Variants in ETS1 observed in about 807,000 individuals in gnomAD.
The protein encoded by ETS1 is ETS proto-oncogene 1, transcription factor, also known as protein C-ets-1.
ETS1 carries 15 observed loss-of-function variants against 58.6 expected under a neutral mutation model. The observed-to-expected ratio is 0.26, with a 90% CI of 0.17 to 0.39. The LOEUF (loss-of-function observed/expected upper bound fraction) is 0.39. Ranked by LOEUF, ETS1 falls within the 10% of genes least tolerant of loss-of-function variation. The pLI, the probability that ETS1 is intolerant of heterozygous loss-of-function variation, is 1.00. For synonymous variants in ETS1, 214 were observed against 218.2 expected (o/e 0.98, Z 0.17); for missense variants, 417 against 610.5 (o/e 0.68, Z 3.34).
intron 8 of ETS1, among the ~76,000 whole-genome samples, chr11:128,479,230 T>C (rs1053432009): frequency 2.6e-5 from 4 of 152,168 alleles, no homozygotes; most frequent in African/African-American, 9.7e-5. Context: ...GATCTTGCTG[T>C]TTGTCATCAT....
chr11:128,513,376 A>G (rs1246289586), intron 3 of ETS1, among the ~76,000 whole-genome samples: 1 of 152,238 alleles, frequency 6.6e-6, no homozygotes, highest in Non-Finnish European at 1.5e-5. Flanking sequence ...GAGGTGCATA[A>G]AAATGCAATG....
rs532295640 is a variant in ETS1, at chr11:128,518,933, C to G, written c.215-28357G>C. Among the ~76,000 whole-genome samples, 568 of 152,274 alleles carry G rather than the reference C, an allele frequency of 3.7e-3. 3 individuals are homozygous for G. The highest frequency in any genetic ancestry group is 4.8e-3 in the Admixed American group (73 of 15,304). On this transcript the variant is annotated intron_variant, in intron 3 of 9. Coordinates refer to ENST00000392668, the MANE Select transcript of ETS1 (RefSeq NM_001143820.2). ...GCTCTTATCTGGACATTAAGCTCACCTCACCAAGAAGGTAGAGCAGAGTGT... is the reference window on the plus strand; with the variant it reads ...GCTCTTATCTGGACATTAAGCTCACGTCACCAAGAAGGTAGAGCAGAGTGT...
chr11:128,584,990 G>A (rs1252925608), intron 1 of ETS1, among the ~76,000 whole-genome samples: 1 of 37,738 alleles, frequency 2.6e-5, no homozygotes, highest in East Asian at 1.1e-3. Context: ...AAGAAAGAAA[G>A]GAAGGAAGGA....
intron 2 of ETS1, among the ~76,000 whole-genome samples, chr11:128,556,815 A>T (rs750449159): frequency 2.6e-5 from 4 of 152,198 alleles, no homozygotes; most frequent in Non-Finnish European, 4.4e-5. Context: ...GGATATTCTT[A>T]CAAGGCTTAC....
In ETS1 at chr11:128,464,281, G is replaced by A. The variant is rs1371729035; in HGVS notation, c.1124-654C>T. Among the ~76,000 whole-genome samples the A allele has an allele frequency of 6.7e-6, 1 of 149,452 alleles. No individual in the cohort carries two copies. On this transcript the variant is annotated intron_variant, in intron 8 of 9. Transcript: ENST00000392668. This position sits in a 1 kb window ranked among gnomAD's most constrained non-coding sequence, Gnocchi z 4.1. ...TCATTACTATTTGAGGAATTAACGTGCCACCCAGAAAATCCTCAGGGGTCA... is the reference window on the plus strand; with the variant it reads ...TCATTACTATTTGAGGAATTAACGTACCACCCAGAAAATCCTCAGGGGTCA...
chr11:128,535,259 A>T (rs545839194), intron 3 of ETS1, among the ~76,000 whole-genome samples: 1 of 152,312 alleles, frequency 6.6e-6, no homozygotes, highest in South Asian at 2.1e-4. Context: ...TTCTTTGCCC[A>T]CTTTTTAATG....
chr11:128,524,178 A>G (rs905143228), intron 3 of ETS1, among the ~76,000 whole-genome samples: 2 of 152,158 alleles, frequency 1.3e-5, no homozygotes, highest in African/African-American at 4.8e-5. Flanking sequence ...GCTAACATCC[A>G]CCCAAATTAG....
intron 3 of ETS1, among the ~76,000 whole-genome samples, chr11:128,496,280 G>C (rs1252906382): frequency 2.0e-5 from 3 of 152,054 alleles, no homozygotes; most frequent in African/African-American, 7.2e-5. Flanking sequence ...TTGGATCACA[G>C]AGATGATTTC....
intron 7 of ETS1, among the ~76,000 whole-genome samples, chr11:128,484,287 C>T (rs1024898258): frequency 4.6e-5 from 7 of 152,110 alleles, no homozygotes; most frequent in African/African-American, 1.4e-4. Context: ...CCAAATAAAC[C>T]GTTGGTTAAC....
intron 3 of ETS1, among the ~76,000 whole-genome samples, chr11:128,548,107 A>G (rs1206846319): frequency 5.4e-5 from 4 of 74,482 alleles, no homozygotes; most frequent in African/African-American, 8.3e-5. Context: ...GAAGGAAAGG[A>G]AAGGGAAGGA....
Position 128,473,008 on chromosome 11 carries a change from T to C in ETS1, c.1123+7183A>G, listed in dbSNP as rs1364358296. On this transcript the variant is annotated intron_variant, in intron 8 of 9. Coordinates refer to ENST00000392668, the MANE Select transcript of ETS1 (RefSeq NM_001143820.2). ...TTATTTGTTGTTTGCTGTGTAACAT[T>C]GGGCTAGACCTCCTCCTCTAAAAAG... Among the ~76,000 whole-genome samples, 3 of 152,136 alleles carry C rather than the reference T, an allele frequency of 2.0e-5. No individual in the cohort carries two copies. In the South Asian group the frequency reaches 6.2e-4, roughly 32 times the overall value.
intron 8 of ETS1, among the ~76,000 whole-genome samples, chr11:128,466,931 C>T (rs550159044): frequency 3.3e-5 from 5 of 152,130 alleles, no homozygotes; most frequent in African/African-American, 9.7e-5. Flanking sequence ...CTCCCTCCCC[C>T]GATTCCTGTA....
At chr11:128,554,188 C>T (rs1037172365) in intron 3 of ETS1, among the ~76,000 whole-genome samples, 7 of 152,248 alleles carry the variant, frequency 4.6e-5, no homozygotes, top group African/African-American at 1.4e-4. Flanking sequence ...AGGGTTCTTG[C>T]CAAACATTTC....
intron 8 of ETS1, among the ~76,000 whole-genome samples, chr11:128,479,414 A>C (rs1308673936): frequency 1.3e-5 from 2 of 152,240 alleles, no homozygotes; most frequent in Non-Finnish European, 2.9e-5. Context: ...GATGATTAAC[A>C]CATTAATGCT....
At chr11:128,585,236 A>AAG (rs1167288750) in intron 1 of ETS1, among the ~76,000 whole-genome samples, 1 of 149,186 alleles carries the variant, frequency 6.7e-6, no homozygotes, top group Non-Finnish European at 1.5e-5. Context: ...GAAAGAAAGA[A>AAG]AGAAAGAAAA....
intron 3 of ETS1, among the ~76,000 whole-genome samples, chr11:128,493,141 G>A (rs1158668648): frequency 6.6e-5 from 10 of 152,190 alleles, no homozygotes; most frequent in East Asian, 1.9e-4. Context: ...CTGCTGTAGC[G>A]GGAACTGAAG....
intron 3 of ETS1, among the ~76,000 whole-genome samples, chr11:128,541,073 C>G (rs969960618): frequency 3.9e-5 from 6 of 152,180 alleles, no homozygotes; most frequent in Non-Finnish European, 8.8e-5. Flanking sequence ...TTTCACGTGA[C>G]TGGGAGGCCT....
At chr11:128,548,476 C>CAA (rs1864172384) in intron 3 of ETS1, among the ~76,000 whole-genome samples, 1 of 152,166 alleles carries the variant, frequency 6.6e-6, no homozygotes, top group Non-Finnish European at 1.5e-5. Flanking sequence ...ACCTGTGCCC[C>CAA]AAACAGCCCT....
intron 3 of ETS1, among the ~76,000 whole-genome samples, chr11:128,532,043 G>T (rs553575597): frequency 3.3e-5 from 5 of 152,282 alleles, no homozygotes; most frequent in African/African-American, 9.6e-5. Context: ...TTGAGACAGG[G>T]TCTCGCTCTA....
Sources: gnomAD v4.1 joint callset for allele counts (sites outside exome capture counted in the v4.1 genomes callset) on GRCh38, gnomAD v4.1.1 for gene constraint, Gnocchi (gnomAD v3.1) non-coding constraint, MANE v1.5 for transcripts, NCBI Gene and HGNC (gene_info 2026-07-23, HGNC 2026-07-21) for gene names.